Variants in GNAQ observed in about 807,000 individuals in gnomAD.
GNAQ encodes the protein G protein subunit alpha q, also known as guanine nucleotide-binding protein G(q) subunit alpha.
A neutral mutation model predicts 43.9 loss-of-function variants in GNAQ; 8 were observed. That is an observed-to-expected ratio of 0.18 (90% CI 0.11 to 0.33). GNAQ has a LOEUF of 0.33. Among genes scored for constraint, GNAQ ranks in the 10% least tolerant of loss-of-function variants. GNAQ has a pLI of 1.00. For missense variants in GNAQ, 158 were observed against 450.8 expected, an observed-to-expected ratio of 0.35 and a Z score of 5.88; for synonymous variants, 155 against 170.7, an observed-to-expected ratio of 0.91 and a Z score of 0.71.
intron 2 of GNAQ, among the ~76,000 whole-genome samples, chr9:77,828,059 C>CAAAAAAAAAAAAAAAAAAAAAAAAAAAA (rs71360654): frequency 5.2e-5 from 1 of 19,242 alleles, no homozygotes; most frequent in Non-Finnish European, 9.6e-5. Context: ...GACTCCTCCT[C>CAAAAAAAAAAAAAAAAAAAAAAAAAAAA]AAAAAAAAAA....
chr9:77,831,474 T>C (rs181305766), intron 2 of GNAQ, among the ~76,000 whole-genome samples: 6 of 152,334 alleles, frequency 3.9e-5, no homozygotes, highest in African/African-American at 7.2e-5. Flanking sequence ...GTATCTACGA[T>C]GGCCACCCAC....
chr9:77,873,820 C>A lies in GNAQ; in HGVS notation c.321+48341G>T, dbSNP rs894342074. ...GTGGTAGTTCTCAATATATCTAAAG[C>A]CTTTGCCGGGCGCGGTGGCTCATGC... On this transcript the variant is annotated intron_variant, in intron 2 of 6. Transcript: ENST00000286548. Among the ~76,000 whole-genome samples the A allele has an allele frequency of 2.0e-5, 3 of 152,210 alleles. No individual in the cohort carries two copies. The South Asian group carries it at 6.2e-4, about 32-fold the overall frequency.
chr9:77,838,187 A>G (rs1214308416), intron 2 of GNAQ, among the ~76,000 whole-genome samples: 2 of 129,752 alleles, frequency 1.5e-5, no homozygotes, highest in South Asian at 4.7e-4. Flanking sequence ...CTTGTTGCCC[A>G]AGCTGGAGTG....
At chr9:77,965,184 A>G (rs1010540364) in intron 1 of GNAQ, among the ~76,000 whole-genome samples, 11 of 152,132 alleles carry the variant, frequency 7.2e-5, no homozygotes, top group African/African-American at 2.7e-4. Context: ...CATAAACACC[A>G]ACAATGTTCA....
chr9:77,730,191 TC>T (rs1367164157), intron 5 of GNAQ, among the ~76,000 whole-genome samples: 1 of 152,230 alleles, frequency 6.6e-6, no homozygotes, highest in African/African-American at 2.4e-5. Flanking sequence ...GCTGTACTTT[TC>T]TGGTTTTTAT....
intron 1 of GNAQ, among the ~76,000 whole-genome samples, chr9:77,989,033 C>CGT (rs1823476636): frequency 6.6e-6 from 1 of 152,104 alleles, no homozygotes; most frequent in African/African-American, 2.4e-5. Context: ...TCCTGGATAA[C>CGT]TATTTTGTTT....
chr9:78,007,557 A>T, intron 1 of GNAQ, among the ~76,000 whole-genome samples: 1 of 152,242 alleles, frequency 6.6e-6, no homozygotes, highest in East Asian at 1.9e-4. Context: ...ATGGCCATGC[A>T]TTATTAATTT....
chr9:77,773,254 A>T (rs1826254516), intron 5 of GNAQ, among the ~76,000 whole-genome samples: 1 of 152,258 alleles, frequency 6.6e-6, no homozygotes, highest in Non-Finnish European at 1.5e-5. Context: ...TGTGAGGCAT[A>T]AATGTCAAAT....
At chr9:77,827,247 T>C (rs1488738268) in intron 2 of GNAQ, among the ~76,000 whole-genome samples, 1 of 151,790 alleles carries the variant, frequency 6.6e-6, no homozygotes, top group Non-Finnish European at 1.5e-5. Context: ...GAAATACATG[T>C]GCGTGAAGAC....
At chr9:77,970,828 C>CA (rs199692899) in intron 1 of GNAQ, among the ~76,000 whole-genome samples, 18,015 of 151,528 alleles carry the variant, frequency 0.12, 1,172 homozygotes, top group East Asian at 0.25. Flanking sequence ...AAAAACCTTT[C>CA]AAAAAAAATC....
intron 1 of GNAQ, among the ~76,000 whole-genome samples, chr9:77,970,619 T>C (rs918049006): frequency 6.6e-6 from 1 of 152,222 alleles, no homozygotes; most frequent in African/African-American, 2.4e-5. Flanking sequence ...TACCAGAATC[T>C]CTGGGACACA....
chr9:77,719,063 G>A lies in GNAQ; in HGVS notation c.*2260C>T, dbSNP rs754197211. The A allele has an allele frequency of 3.0e-5, 7 of 230,458 alleles. No homozygotes were observed. Among genetic ancestry groups the A allele is most frequent in the Non-Finnish European group, 6.0e-5 (7 of 117,128 alleles). 14.3% of individuals were successfully genotyped at this position (230,458 alleles called of 1,614,324 possible). ...AATCAGTATACCTCTACTCAGGAAT[G>A]TGCAAATGATTTTATACAGCACGAC... On this transcript the variant is annotated 3_prime_UTR_variant, in exon 7 of 7. Transcript: ENST00000286548.
intron 2 of GNAQ, among the ~76,000 whole-genome samples, chr9:77,911,231 G>C (rs758735917): frequency 3.9e-5 from 6 of 152,204 alleles, no homozygotes; most frequent in Non-Finnish European, 5.9e-5. Context: ...TAAGCTGGGG[G>C]AACATTATGC....
intron 5 of GNAQ, among the ~76,000 whole-genome samples, chr9:77,775,572 G>A (rs1034870727): frequency 1.3e-5 from 2 of 151,988 alleles, no homozygotes; most frequent in Non-Finnish European, 2.9e-5. Context: ...ACCACGCCCA[G>A]CTAAATTTTT....
intron 2 of GNAQ, among the ~76,000 whole-genome samples, chr9:77,819,589 T>C (rs2118521970): frequency 6.6e-6 from 1 of 152,228 alleles, no homozygotes. Flanking sequence ...TCCAGCTTAT[T>C]AGGCCTGCTC....
intron 3 of GNAQ, among the ~76,000 whole-genome samples, chr9:77,813,605 T>C (rs1267328172): frequency 6.6e-6 from 1 of 152,186 alleles, no homozygotes; most frequent in African/African-American, 2.4e-5. Context: ...AACATATCCA[T>C]AGTCCAATAC....
At chr9:77,892,539 T>C (rs934685107) in intron 2 of GNAQ, among the ~76,000 whole-genome samples, 4 of 152,304 alleles carry the variant, frequency 2.6e-5, no homozygotes, top group Non-Finnish European at 4.4e-5. Flanking sequence ...CTTACAAGAG[T>C]GAATTTCATA....
At chr9:77,732,804 GTCC>G (rs1825516733) in intron 5 of GNAQ, among the ~76,000 whole-genome samples, 1 of 152,166 alleles carries the variant, frequency 6.6e-6, no homozygotes, top group African/African-American at 2.4e-5. Context: ...GGAAACAACT[GTCC>G]CTCTCAATGA....
intron 2 of GNAQ, among the ~76,000 whole-genome samples, chr9:77,820,087 CAAAAA>C (rs3083136): frequency 1.9e-5 from 2 of 104,978 alleles, no homozygotes; most frequent in Non-Finnish European, 3.7e-5. Context: ...ATTTAAAATG[CAAAAA>C]AAAAAAAAAA....
Sources: gnomAD v4.1 joint callset for allele counts (sites outside exome capture counted in the v4.1 genomes callset) on GRCh38, gnomAD v4.1.1 for gene constraint, MANE v1.5 for transcripts, NCBI Gene and HGNC (gene_info 2026-07-23, HGNC 2026-07-21) for gene names.